APBA1: variants seen among roughly 807,000 people sequenced by gnomAD.
APBA1 encodes the protein amyloid beta precursor protein binding family A member 1, also known as amyloid-beta A4 precursor protein-binding family A member 1.
A neutral mutation model predicts 86.6 loss-of-function variants in APBA1; 55 were observed. The observed-to-expected ratio is 0.64, with a 90% CI of 0.51 to 0.80. APBA1 has a LOEUF of 0.80. Ranked by LOEUF, APBA1 falls within the 30% of genes least tolerant of loss-of-function variation. The probability of loss-of-function intolerance (pLI) is 0.00; values close to 1 mark genes in which losing one functional copy is unlikely to be tolerated. For missense variants in APBA1, 1,090 were observed against 1,183.0 expected (o/e 0.92, Z 1.15); for synonymous variants, 511 against 493.9 (o/e 1.03, Z -0.46).
At chr9:69,498,026 A>T (rs969116724) in intron 2 of APBA1, among the ~76,000 whole-genome samples, 4 of 152,070 alleles carry the variant, frequency 2.6e-5, no homozygotes, top group African/African-American at 9.7e-5. Context: ...GCTCCCAATC[A>T]TCTCCACCTC....
intron 2 of APBA1, among the ~76,000 whole-genome samples, chr9:69,498,767 G>C (rs1401534651): frequency 6.6e-6 from 1 of 152,130 alleles, no homozygotes; most frequent in Non-Finnish European, 1.5e-5. Context: ...CAAACTCTCT[G>C]TAGTTCACTG....
At chr9:69,642,196 GATA>G (rs1419152844) in intron 1 of APBA1, among the ~76,000 whole-genome samples, 1 of 152,172 alleles carries the variant, frequency 6.6e-6, no homozygotes, top group African/African-American at 2.4e-5. Context: ...ATTGACTAGA[GATA>G]ATATTTGCAA....
intron 11 of APBA1, among the ~76,000 whole-genome samples, chr9:69,433,829 T>TA (rs1014688147): frequency 7.3e-6 from 1 of 137,920 alleles, no homozygotes; most frequent in Non-Finnish European, 1.6e-5. Flanking sequence ...TTTTTTTTTT[T>TA]AAGACAGAGT....
chr9:69,591,287 T>A (rs1327005493), intron 1 of APBA1, among the ~76,000 whole-genome samples: 2 of 152,244 alleles, frequency 1.3e-5, no homozygotes, highest in African/African-American at 4.8e-5. Flanking sequence ...TGTGGATTCC[T>A]GAATCCACAA....
At position 69,456,392 on chromosome 9, in the gene APBA1, A is replaced by C. The variant is rs371943178; in HGVS notation, c.1643T>G (p.Ile548Ser). ...CACAACGATGTTCCCAATGTCCGCA[A>C]TGTAGGAAATGGTCCTCAGAGGGTG... Reference protein sequence around the residue: ...MDHPLRTISYIADIGNIVVLM... With the variant: ...MDHPLRTISYSADIGNIVVLM... The change falls in exon 8 of 13, where the codon ATT becomes AGT. Residue 548 changes from isoleucine to serine, a missense_variant. By Grantham distance (142) the Ile-to-Ser change is moderately radical. Transcript: ENST00000265381. The C allele has an allele frequency of 6.2e-7, 1 of 1,611,438 alleles. No homozygotes were observed. The highest frequency in any genetic ancestry group is 8.5e-7 in the Non-Finnish European group (1 of 1,178,548).
chr9:69,528,865 A>G (rs1243879484), intron 1 of APBA1, among the ~76,000 whole-genome samples: 1 of 152,090 alleles, frequency 6.6e-6, no homozygotes, highest in Admixed American at 6.6e-5. Flanking sequence ...GCCAAAGGAG[A>G]TGAAAACAGT....
At chr9:69,655,332 G>GTGTATA (rs200987241) in intron 1 of APBA1, among the ~76,000 whole-genome samples, 2,859 of 152,018 alleles carry the variant, frequency 0.019, 32 homozygotes, top group Non-Finnish European at 0.029. Context: ...ATATATATAT[G>GTGTATA]TATATTCTCA....
At position 69,644,426 on chromosome 9, in the gene APBA1, T is replaced by C. The variant is rs564304479; in HGVS notation, c.-70+27727A>G. Among the ~76,000 whole-genome samples the C allele has an allele frequency of 1.5e-4, 23 of 152,312 alleles. No individual in the cohort carries two copies. The East Asian group carries it at 4.4e-3, about 29-fold the overall frequency. ...TTGTACTCTTTCAATGTTGACACTA[T>C]TTTTCTCATCCCCCAAAATTCTTCT... On this transcript the variant is annotated intron_variant, in intron 1 of 12. Coordinates refer to ENST00000265381, the MANE Select transcript of APBA1 (RefSeq NM_001163.4).
intron 11 of APBA1, among the ~76,000 whole-genome samples, chr9:69,439,773 T>G: frequency 6.6e-6 from 1 of 152,248 alleles, no homozygotes. Context: ...GAAGCCTTCT[T>G]CTCTCAACTC....
Position 69,431,116 on chromosome 9 carries a change from G to C in APBA1, c.*211C>G. The C allele has an allele frequency of 6.1e-6, 3 of 489,318 alleles. No individual in the cohort carries two copies. Among genetic ancestry groups the C allele is most frequent in the Non-Finnish European group, 1.1e-5 (3 of 281,284 alleles). The allele number at this position is 489,318 out of a possible 1,614,324, so 30.3% of individuals were successfully genotyped here. A position where few individuals can be genotyped will look rare whatever the true frequency, so the allele number is the denominator to read the frequency against. ...CTGGCTGCTCTCCATCCTCAAGGGA[G>C]TGCATACGAAACTTCCCTGGTATTG... On this transcript the variant is annotated 3_prime_UTR_variant, in exon 13 of 13. Transcript: ENST00000265381.
intron 1 of APBA1, among the ~76,000 whole-genome samples, chr9:69,528,671 C>G (rs1836379302): frequency 6.6e-6 from 1 of 151,962 alleles, no homozygotes; most frequent in Admixed American, 6.6e-5. Context: ...CTACTGTTAT[C>G]TCTATTGCTA....
chr9:69,441,326 C>G (rs905049134), intron 10 of APBA1, among the ~76,000 whole-genome samples: 4 of 152,204 alleles, frequency 2.6e-5, no homozygotes, highest in Non-Finnish European at 5.9e-5. Context: ...GCAGATGGAG[C>G]CCTCTTAGCC....
intron 1 of APBA1, among the ~76,000 whole-genome samples, chr9:69,644,696 G>C (rs1823356297): frequency 6.6e-6 from 1 of 152,202 alleles, no homozygotes; most frequent in Admixed American, 6.5e-5. Context: ...TGAGTAGAGG[G>C]AGTTGGGGAT....
chr9:69,474,053 G>A (rs1261659744), intron 3 of APBA1, among the ~76,000 whole-genome samples: 1 of 151,154 alleles, frequency 6.6e-6, no homozygotes, highest in Non-Finnish European at 1.5e-5. Flanking sequence ...CATGTGGACT[G>A]AGATGAACAT....
rs543529629 is a variant in APBA1, at chr9:69,536,879, C to CA, written c.-69-19601dup. ...TGGGTGACAGAGCAAGACTCTGTCT[C>CA]AAAAAAAAACCACAAAAAAACAAAA... is the stretch of plus-strand genomic sequence containing the variant. On this transcript the variant is annotated intron_variant, in intron 1 of 12. Transcript: ENST00000265381. 4.1e-3 allele frequency among the ~76,000 whole-genome samples: 605 copies of CA among 146,098 alleles called. 1 individual carries two copies. Among genetic ancestry groups the CA allele is most frequent in the African/African-American group, 0.012 (495 of 39,736 alleles).
Position 69,516,014 on chromosome 9 carries a change from T to C in APBA1, c.1197A>G (p.Gly399=). Residue 399 remains glycine (G), a synonymous_variant, in exon 2 of 13, where the codon GGA becomes GGG. Coordinates refer to ENST00000265381, the MANE Select transcript of APBA1 (RefSeq NM_001163.4). This position sits in a 1 kb window ranked among gnomAD's most constrained non-coding sequence, Gnocchi z 7.3. The part of the protein sequence containing the change: ...RDCDDQRPMD[G]DSPSPGSSSP... ...GCCCAAACCCGCACCTACTTACATC[T>C]CCGTCCATCGGCCTCTGGTCGTCAC... is the stretch of plus-strand genomic sequence containing the variant. 6.4e-7 allele frequency: 1 copy of C among 1,562,328 alleles called. No individual in the cohort carries two copies. Among genetic ancestry groups the C allele is most frequent in the Non-Finnish European group, 8.7e-7 (1 of 1,149,242 alleles).
intron 1 of APBA1, among the ~76,000 whole-genome samples, chr9:69,568,124 A>G (rs1392864130): frequency 6.6e-6 from 1 of 152,158 alleles, no homozygotes; most frequent in African/African-American, 2.4e-5. Flanking sequence ...TGGGTAGGAG[A>G]CACAGGAACG....
At chr9:69,659,947 T>C (rs975874591) in intron 1 of APBA1, among the ~76,000 whole-genome samples, 1 of 152,244 alleles carries the variant, frequency 6.6e-6, no homozygotes, top group South Asian at 2.1e-4. Context: ...AAGGAGTAGA[T>C]ACTGTTAGTG....
At chr9:69,484,078 T>C (rs936390703) in intron 2 of APBA1, among the ~76,000 whole-genome samples, 1 of 152,110 alleles carries the variant, frequency 6.6e-6, no homozygotes, top group East Asian at 1.9e-4. Context: ...ATTTTAAGGG[T>C]CTGGCCCCCA....
Sources: allele counts gnomAD v4.1 joint callset (sites outside exome capture counted in the v4.1 genomes callset), GRCh38; gene constraint gnomAD v4.1.1; non-coding constraint Gnocchi (gnomAD v3.1); transcripts MANE v1.5; gene names NCBI Gene and HGNC (gene_info 2026-07-23, HGNC 2026-07-21).